MEGF10: variants seen among roughly 807,000 people sequenced by gnomAD.
MEGF10 encodes multiple EGF like domains 10.
Under a neutral mutation model 147.5 loss-of-function variants are expected in MEGF10, and 86 were observed. The ratio of observed to expected loss-of-function variants is 0.58; its 90% CI spans 0.49 to 0.70. The LOEUF (loss-of-function observed/expected upper bound fraction) is 0.70. MEGF10 is among the 30% of genes least tolerant of loss of function. MEGF10 has a pLI of 0.00. For missense variants in MEGF10, 1,329 were observed against 1,487.3 expected (o/e 0.89, Z 1.75); for synonymous variants, 478 against 525.5 (o/e 0.91, Z 1.24).
chr5:127,383,070 T>A (rs1223144331), intron 5 of MEGF10, among the ~76,000 whole-genome samples: 5 of 152,210 alleles, frequency 3.3e-5, no homozygotes, highest in Non-Finnish European at 7.3e-5. Context: ...GTGTGGACCA[T>A]GTAACCCAGC....
intron 4 of MEGF10, among the ~76,000 whole-genome samples, chr5:127,355,607 A>G (rs1762251553): frequency 6.6e-6 from 1 of 152,126 alleles, no homozygotes; most frequent in African/African-American, 2.4e-5. Flanking sequence ...AGAAATTCCA[A>G]TTTTCCCACA....
chr5:127,421,054 A>T (rs1764980703), intron 12 of MEGF10, among the ~76,000 whole-genome samples: 1 of 152,124 alleles, frequency 6.6e-6, no homozygotes, highest in Non-Finnish European at 1.5e-5. Flanking sequence ...AATAGAAAGG[A>T]TCCCACTCAT....
intron 13 of MEGF10, among the ~76,000 whole-genome samples, chr5:127,431,077 T>C (rs1331786117): frequency 1.3e-5 from 2 of 152,218 alleles, no homozygotes; most frequent in Non-Finnish European, 2.9e-5. Flanking sequence ...GTAAACCATA[T>C]GAAACAAGCT....
chr5:127,256,833 A>C, the MEGF10 span, among the ~76,000 whole-genome samples: 1 of 152,120 alleles, frequency 6.6e-6, no homozygotes, highest in Non-Finnish European at 1.5e-5. Flanking sequence ...CACTGAAAAT[A>C]AACTGATGAA....
the MEGF10 span, among the ~76,000 whole-genome samples, chr5:127,244,195 CAAAAAA>C: frequency 0.075 from 5,270 of 70,580 alleles, 123 homozygotes; most frequent in South Asian, 0.17. Flanking sequence ...AAACTCTGTC[CAAAAAA>C]AAAAAAAAAA....
chr5:127,335,873 C>T (rs1761451303), intron 2 of MEGF10, among the ~76,000 whole-genome samples: 1 of 150,810 alleles, frequency 6.6e-6, no homozygotes, highest in Admixed American at 6.6e-5. Context: ...TTTCCAAATT[C>T]CATAGTGTGA....
At chr5:127,311,769 G>A (rs1033150282) in intron 1 of MEGF10, among the ~76,000 whole-genome samples, 2 of 152,114 alleles carry the variant, frequency 1.3e-5, no homozygotes, top group East Asian at 1.9e-4. Context: ...TGAAGAAGTC[G>A]GAGAATAGTT....
chr5:127,272,216 G>A, the MEGF10 span, among the ~76,000 whole-genome samples: 33 of 152,108 alleles, frequency 2.2e-4, no homozygotes, highest in African/African-American at 8.0e-4. Context: ...ATTTTGTCAG[G>A]TTAGTTGAAG....
chr5:127,433,543 C>T (rs1263706065), intron 14 of MEGF10, 34 bp downstream of exon 14: 1 of 1,563,670 alleles, frequency 6.4e-7, no homozygotes, highest in Admixed American at 1.8e-5. Context: ...TTTCCACCTT[C>T]CCTTCCCTGG....
intron 1 of MEGF10, among the ~76,000 whole-genome samples, chr5:127,327,793 C>A (rs1761097953): frequency 6.7e-6 from 1 of 150,140 alleles, no homozygotes; most frequent in South Asian, 2.1e-4. Flanking sequence ...TGGCTCATTG[C>A]AGCCTCCGCC....
chr5:127,270,126 A>T, the MEGF10 span, among the ~76,000 whole-genome samples: 1 of 152,216 alleles, frequency 6.6e-6, no homozygotes, highest in Non-Finnish European at 1.5e-5. Flanking sequence ...CACTGCAAAA[A>T]CATGCCAAAT....
intron 5 of MEGF10, among the ~76,000 whole-genome samples, chr5:127,381,350 A>G (rs1554096111): frequency 6.6e-6 from 1 of 151,976 alleles, no homozygotes; most frequent in Non-Finnish European, 1.5e-5. Flanking sequence ...GTTTAAAAGA[A>G]TGTTTGTACA....
At chr5:127,257,226 T>A in the MEGF10 span, among the ~76,000 whole-genome samples, 1 of 151,840 alleles carries the variant, frequency 6.6e-6, no homozygotes, top group Admixed American at 6.6e-5. Context: ...GGGAATTGAC[T>A]CTTCTCCAGT....
At chr5:127,267,710 A>T in the MEGF10 span, among the ~76,000 whole-genome samples, 4 of 152,150 alleles carry the variant, frequency 2.6e-5, no homozygotes, top group Non-Finnish European at 2.9e-5. Flanking sequence ...TTATTTGCAT[A>T]GAGGTGTTTA....
At chr5:127,320,429 T>A (rs1760744994) in intron 1 of MEGF10, among the ~76,000 whole-genome samples, 1 of 152,190 alleles carries the variant, frequency 6.6e-6, no homozygotes, top group Non-Finnish European at 1.5e-5. Context: ...ACCATTAGGG[T>A]CAGACAGGGT....
chr5:127,457,037 C>CT (rs1362770613), intron 24 of MEGF10, 91 bp from the exon 25 acceptor site: 2 of 1,282,388 alleles, frequency 1.6e-6, no homozygotes, highest in Non-Finnish European at 2.1e-6. Context: ...TTAAAAGTCC[C>CT]TTTGGTGTGT....
the MEGF10 span, among the ~76,000 whole-genome samples, chr5:127,280,960 G>T: frequency 1.3e-5 from 2 of 152,226 alleles, no homozygotes; most frequent in African/African-American, 4.8e-5. Context: ...CATCAGCCCT[G>T]GGCTTTGAAT....
chr5:127,371,191 CTG>C (rs10591122), intron 5 of MEGF10, among the ~76,000 whole-genome samples: 20,815 of 125,716 alleles, frequency 0.17, 1,353 homozygotes, highest in Middle Eastern at 0.21. Context: ...GGGACTGGGA[CTG>C]TGTGTGTGTG....
chr5:127,420,515 C>T (rs1764957224), intron 12 of MEGF10, among the ~76,000 whole-genome samples: 1 of 151,998 alleles, frequency 6.6e-6, no homozygotes, highest in Non-Finnish European at 1.5e-5. Flanking sequence ...AGCCAGTGAA[C>T]AGTACTGGTC....
Sources: allele counts gnomAD v4.1 joint callset (sites outside exome capture counted in the v4.1 genomes callset), GRCh38; gene constraint gnomAD v4.1.1; transcripts MANE v1.5; gene names NCBI Gene and HGNC (gene_info 2026-07-23, HGNC 2026-07-21).